Variants in SMPD3 observed in about 807,000 individuals in gnomAD.
SMPD3 encodes the protein sphingomyelin phosphodiesterase 3.
In SMPD3, 21 loss-of-function variants were observed where a neutral mutation model predicts 55.7. That is an observed-to-expected ratio of 0.38 (90% CI 0.27 to 0.54). The LOEUF is 0.54. Ranked by LOEUF, SMPD3 falls within the 20% of genes least tolerant of loss-of-function variation. SMPD3 has a pLI of 0.80. For synonymous variants in SMPD3, 457 were observed against 404.3 expected (o/e 1.13, Z -1.56); for missense variants, 842 against 899.6 (o/e 0.94, Z 0.82).
chr16:68,376,471 C>A (rs1321781886), intron 2 of SMPD3, among the ~76,000 whole-genome samples: 1 of 152,268 alleles, frequency 6.6e-6, no homozygotes, highest in Non-Finnish European at 1.5e-5. Flanking sequence ...AGGGGACTGG[C>A]AGGACCCCCA....
chr16:68,362,616 G>C (rs1390307788), intron 7 of SMPD3, among the ~76,000 whole-genome samples: 2 of 152,242 alleles, frequency 1.3e-5, no homozygotes, highest in Non-Finnish European at 2.9e-5. Flanking sequence ...CCAGGTCTGT[G>C]AGTGCCTGGA....
At chr16:68,382,851 T>C (rs2089977439) in intron 2 of SMPD3, among the ~76,000 whole-genome samples, 3 of 152,288 alleles carry the variant, frequency 2.0e-5, no homozygotes. Context: ...TGTTTTGTTT[T>C]TTGTTTTGGA....
In SMPD3 at chr16:68,377,425, G is replaced by A. The variant is rs900407405; in HGVS notation, c.-206-5038C>T. Among the ~76,000 whole-genome samples, 26 of 152,326 alleles carry A rather than the reference G, an allele frequency of 1.7e-4. 1 individual carries two copies. The highest frequency in any genetic ancestry group is 1.3e-3 in the Admixed American group (20 of 15,314). ...TTGACAGCCGGCAGCCCCAGACTGCGGCTGCTCCTGCGAGTGACTGATAAT... is the reference window on the plus strand; with the variant it reads ...TTGACAGCCGGCAGCCCCAGACTGCAGCTGCTCCTGCGAGTGACTGATAAT... On this transcript the variant is annotated intron_variant, in intron 2 of 8. Coordinates refer to ENST00000219334, the MANE Select transcript of SMPD3 (RefSeq NM_018667.4).
intron 3 of SMPD3, among the ~76,000 whole-genome samples, chr16:68,370,588 A>G (rs1359244010): frequency 7.2e-6 from 1 of 139,768 alleles, no homozygotes; most frequent in Non-Finnish European, 1.5e-5. Context: ...AGTTGGGGAA[A>G]TGGTGGCTCA....
chr16:68,416,451 C>T (rs940869799), intron 1 of SMPD3, among the ~76,000 whole-genome samples: 5 of 152,224 alleles, frequency 3.3e-5, no homozygotes, highest in African/African-American at 1.2e-4. Context: ...TCCCTAATCC[C>T]TCCTACCCTC....
chr16:68,361,036 A>C lies in SMPD3; in HGVS notation c.*170T>G, dbSNP rs1329790815. 1.6e-6 allele frequency: 1 copy of C among 621,236 alleles called. No individual in the cohort carries two copies. The highest frequency in any genetic ancestry group is 2.8e-6 in the Non-Finnish European group (1 of 360,426). The allele number at this position is 621,236 out of a possible 1,614,324, so 38.5% of individuals were successfully genotyped here. A position where few individuals can be genotyped will look rare whatever the true frequency, so the allele number is the denominator to read the frequency against. On this transcript the variant is annotated 3_prime_UTR_variant, in exon 9 of 9. Coordinates refer to ENST00000219334, the MANE Select transcript of SMPD3 (RefSeq NM_018667.4). ...GGGCCTGACTCCTCTGTCCACAGTG[A>C]GGCCCAGAGGCGCAGAGCAGCGCAG...
At chr16:68,397,247 C>T (rs1231133887) in intron 1 of SMPD3, among the ~76,000 whole-genome samples, 2 of 152,326 alleles carry the variant, frequency 1.3e-5, no homozygotes, top group South Asian at 2.1e-4. Context: ...CTAGCCACCA[C>T]CCTTCCCTCT....
intron 1 of SMPD3, among the ~76,000 whole-genome samples, chr16:68,442,734 GCCT>G (rs966329308): frequency 1.3e-5 from 2 of 152,144 alleles, no homozygotes; most frequent in Non-Finnish European, 2.9e-5. Flanking sequence ...CCCACAAATG[GCCT>G]CCTTCTTATT....
chr16:68,422,538 A>G (rs1330728296), intron 1 of SMPD3, among the ~76,000 whole-genome samples: 1 of 152,192 alleles, frequency 6.6e-6, no homozygotes, highest in East Asian at 1.9e-4. Context: ...AAAAAACAGT[A>G]CAGGCCCAGC....
In SMPD3 at chr16:68,371,043, C is replaced by T. The variant is rs1458934265; in HGVS notation, c.1139G>A (p.Gly380Asp). Residue 380 changes from glycine to aspartate, a missense_variant, in exon 3 of 9, where the codon GGC becomes GAC. Around this residue, in one of 2 missense-constraint regions of SMPD3, gnomAD observed 649 missense variants for 643.6 expected, o/e 1.01. Coordinates refer to ENST00000219334, the MANE Select transcript of SMPD3 (RefSeq NM_018667.4). ...AATKLKEQLH[G>D]YFEYILYDVG... Reference sequence around the variant, plus strand: ...GTCGTACAGGATGTACTCGAAGTAGCCGTGCAGCTGCTCTTTCAATTTGGT... The same window carrying T: ...GTCGTACAGGATGTACTCGAAGTAGTCGTGCAGCTGCTCTTTCAATTTGGT... The T allele has an allele frequency of 6.2e-7, 1 of 1,614,244 alleles. No individual in the cohort carries two copies. Among genetic ancestry groups the T allele is most frequent in the East Asian group, 2.2e-5 (1 of 44,894 alleles).
chr16:68,387,888 G>A (rs2152002496), intron 1 of SMPD3, among the ~76,000 whole-genome samples: 1 of 152,374 alleles, frequency 6.6e-6, no homozygotes, highest in African/African-American at 2.4e-5. Flanking sequence ...AGATGTAGCA[G>A]CAGTGCTGGC....
chr16:68,432,096 A>G (rs1016388559), intron 1 of SMPD3, among the ~76,000 whole-genome samples: 4 of 152,190 alleles, frequency 2.6e-5, no homozygotes, highest in Non-Finnish European at 5.9e-5. Context: ...CCTGGGTGGC[A>G]CAGCAAGACT....
chr16:68,409,183 T>C (rs1477154557), intron 1 of SMPD3, among the ~76,000 whole-genome samples: 2 of 152,250 alleles, frequency 1.3e-5, no homozygotes, highest in Non-Finnish European at 2.9e-5. Context: ...AGCTCATTCC[T>C]TTGCAGCTCT....
rs578026846 is a variant in SMPD3, at chr16:68,373,856, C to T, written c.-206-1469G>A. Reference sequence around the variant, plus strand: ...TCTGCAGCCCCCTCCCCTGGACGCCCGCCTCTCACTTGTGTCCCGTCCCTG... The same window carrying T: ...TCTGCAGCCCCCTCCCCTGGACGCCTGCCTCTCACTTGTGTCCCGTCCCTG... On this transcript the variant is annotated intron_variant, in intron 2 of 8. Transcript: ENST00000219334. Among the ~76,000 whole-genome samples, 26 of 152,298 alleles carry T rather than the reference C, an allele frequency of 1.7e-4. No individual in the cohort carries two copies. The East Asian group carries it at 4.1e-3, about 24-fold the overall frequency.
At chr16:68,421,294 TTCTGTGGC>T (rs1265471405) in intron 1 of SMPD3, among the ~76,000 whole-genome samples, 1 of 152,218 alleles carries the variant, frequency 6.6e-6, no homozygotes, top group Non-Finnish European at 1.5e-5. Flanking sequence ...GCCACCTGCT[TTCTGTGGC>T]TCTGTCTGGC....
chr16:68,387,574 T>G (rs1438797662), intron 1 of SMPD3, among the ~76,000 whole-genome samples: 1 of 152,196 alleles, frequency 6.6e-6, no homozygotes, highest in East Asian at 1.9e-4. Flanking sequence ...TTGTCCCTAC[T>G]AATCTGCCGA....
At chr16:68,440,351 C>T (rs773580805) in intron 1 of SMPD3, among the ~76,000 whole-genome samples, 1 of 152,162 alleles carries the variant, frequency 6.6e-6, no homozygotes, top group Non-Finnish European at 1.5e-5. Context: ...AGGTGCACAC[C>T]ACCATGCCTG....
chr16:68,361,779 G>T lies in SMPD3; in HGVS notation c.1710-20C>A. The stretch of plus-strand genomic sequence containing the variant: ...AGGACCCTGTCCACACATGCAGGAG[G>T]CAGGTGGGCCCCCATGCCCGCCCCT... On this transcript the variant is annotated intron_variant, in intron 7 of 8. Coordinates refer to ENST00000219334, the MANE Select transcript of SMPD3 (RefSeq NM_018667.4). 1 of 1,609,180 alleles carries T rather than the reference G, an allele frequency of 6.2e-7. No homozygotes were observed. The highest frequency in any genetic ancestry group is 8.5e-7 in the Non-Finnish European group (1 of 1,179,306).
intron 1 of SMPD3, among the ~76,000 whole-genome samples, chr16:68,435,956 GA>G (rs911480066): frequency 7.9e-5 from 12 of 152,314 alleles, no homozygotes; most frequent in Admixed American, 3.9e-4. Flanking sequence ...TCTGGAACCA[GA>G]ATCTTAGCTA....
Sources: allele counts gnomAD v4.1 joint callset (sites outside exome capture counted in the v4.1 genomes callset), GRCh38; gene constraint gnomAD v4.1.1; regional missense constraint gnomAD v4.1.1; transcripts MANE v1.5; gene names NCBI Gene and HGNC (gene_info 2026-07-23, HGNC 2026-07-21).